Variants in SNX29 observed in about 807,000 individuals in gnomAD.
SNX29 encodes sorting nexin-29.
A neutral mutation model predicts 102.1 loss-of-function variants in SNX29; 78 were observed. That is an observed-to-expected ratio of 0.76 (90% CI 0.64 to 0.92). The LOEUF is 0.92. SNX29 is among the 40% of genes least tolerant of loss of function. SNX29 has a pLI of 0.00. For synonymous variants in SNX29, 580 were observed against 414.5 expected (o/e 1.40, Z -4.85); for missense variants, 1,280 against 1,061.7 (o/e 1.21, Z -2.86).
intron 18 of SNX29, among the ~76,000 whole-genome samples, chr16:12,410,714 G>T (rs2084364259): frequency 6.6e-6 from 1 of 152,202 alleles, no homozygotes; most frequent in African/African-American, 2.4e-5. Flanking sequence ...GATTACAGGT[G>T]CAAGCCACTG....
chr16:12,540,244 C>A (rs1472065489), intron 20 of SNX29, among the ~76,000 whole-genome samples: 1 of 152,126 alleles, frequency 6.6e-6, no homozygotes, highest in Non-Finnish European at 1.5e-5. Flanking sequence ...ACCCGCTCCC[C>A]CCACCCCCAG....
At chr16:12,559,729 A>G (rs555549558) in intron 20 of SNX29, among the ~76,000 whole-genome samples, 51 of 152,288 alleles carry the variant, frequency 3.3e-4, no homozygotes, top group African/African-American at 1.2e-3. Context: ...ACCAAGAAAT[A>G]GATGAAATAG....
intron 16 of SNX29, among the ~76,000 whole-genome samples, chr16:12,391,305 A>G (rs1188550504): frequency 1.3e-5 from 2 of 152,184 alleles, no homozygotes; most frequent in East Asian, 3.8e-4. Flanking sequence ...AATCCAGACA[A>G]ACATCATAGG....
chr16:12,479,237 C>T (rs1597536508), intron 19 of SNX29, among the ~76,000 whole-genome samples: 1 of 152,334 alleles, frequency 6.6e-6, no homozygotes, highest in Non-Finnish European at 1.5e-5. Flanking sequence ...TATCTTTTGA[C>T]AAAGCCATGT....
intron 20 of SNX29, among the ~76,000 whole-genome samples, chr16:12,560,095 A>G (rs980818610): frequency 1.3e-5 from 2 of 152,014 alleles, no homozygotes; most frequent in African/African-American, 2.4e-5. Context: ...GGTTATCCAC[A>G]AAGGATGAGT....
chr16:12,051,771 G>T, intron 7 of SNX29, 76 bp from the exon 8 acceptor site: 1 of 1,559,762 alleles, frequency 6.4e-7, no homozygotes, highest in Non-Finnish European at 8.6e-7. Flanking sequence ...CCATAACCTG[G>T]AGGTGAGTTG....
In SNX29 at chr16:12,570,654, C is replaced by T. The variant is rs913622138; in HGVS notation, c.*2025C>T. The T allele has an allele frequency of 1.3e-5, 3 of 231,910 alleles. No individual in the cohort carries two copies. The highest frequency in any genetic ancestry group is 4.4e-5 in the African/African-American group (2 of 45,244). 14.4% of individuals were successfully genotyped at this position (231,910 alleles called of 1,614,324 possible). ...GGAACCTCCCCCATCTGTGACATTC[C>T]CTTGGGCCCAGGCTTATGACCTGCA... On this transcript the variant is annotated 3_prime_UTR_variant, in exon 21 of 21. Coordinates refer to ENST00000566228, the MANE Select transcript of SNX29 (RefSeq NM_032167.5).
At chr16:12,219,868 C>G (rs2077428433) in intron 14 of SNX29, among the ~76,000 whole-genome samples, 1 of 152,176 alleles carries the variant, frequency 6.6e-6, no homozygotes, top group Admixed American at 6.5e-5. Context: ...TTGGGTCTGG[C>G]TCAATCACTC....
chr16:12,422,641 C>A (rs1225245641), intron 18 of SNX29, among the ~76,000 whole-genome samples: 1 of 152,206 alleles, frequency 6.6e-6, no homozygotes, highest in Admixed American at 6.5e-5. Flanking sequence ...GATTCCTCGT[C>A]CCATCTCCAC....
chr16:12,098,221 A>G lies in SNX29; in HGVS notation c.1402+19306A>G, dbSNP rs891395206. Among the ~76,000 whole-genome samples the G allele has an allele frequency of 6.6e-6, 1 of 151,858 alleles. No homozygotes were observed. The highest frequency in any genetic ancestry group is 2.4e-5 in the African/African-American group (1 of 41,292). ...CTCCTCCTCTTCTCCCTCCTGCCCT[A>G]GACCTTAAATATTAATGTTAAAAAT... On this transcript the variant is annotated intron_variant, in intron 11 of 20. Coordinates refer to ENST00000566228, the MANE Select transcript of SNX29 (RefSeq NM_032167.5). The surrounding 1 kb of genome is among the most constrained non-coding windows in gnomAD (Gnocchi z 6.0).
intron 15 of SNX29, among the ~76,000 whole-genome samples, chr16:12,328,170 TC>T (rs2081179683): frequency 6.6e-6 from 1 of 152,194 alleles, no homozygotes; most frequent in African/African-American, 2.4e-5. Flanking sequence ...GCACAGTGCC[TC>T]CCGCAGAGTA....
At chr16:12,193,083 C>T (rs2076684221) in intron 13 of SNX29, among the ~76,000 whole-genome samples, 1 of 152,218 alleles carries the variant, frequency 6.6e-6, no homozygotes, top group South Asian at 2.1e-4. Flanking sequence ...GATCCTCCTG[C>T]CTCAGCCTTC....
intron 14 of SNX29, among the ~76,000 whole-genome samples, chr16:12,255,757 C>G (rs550174251): frequency 6.6e-6 from 1 of 152,208 alleles, no homozygotes; most frequent in South Asian, 2.1e-4. Context: ...ATATACGTCA[C>G]GTTTTGTTTA....
chr16:12,326,523 G>A (rs930930907), intron 15 of SNX29, among the ~76,000 whole-genome samples: 1 of 152,080 alleles, frequency 6.6e-6, no homozygotes, highest in Admixed American at 6.5e-5. Context: ...AGCTCTGCCG[G>A]TGTGTCTCAC....
At chr16:12,502,687 CT>C (rs779858255) in intron 19 of SNX29, among the ~76,000 whole-genome samples, 3 of 152,214 alleles carry the variant, frequency 2.0e-5, no homozygotes, top group Non-Finnish European at 4.4e-5. Context: ...AAGATTTACA[CT>C]TTTGTTCTCA....
At chr16:12,504,519 C>T (rs1462901448) in intron 19 of SNX29, among the ~76,000 whole-genome samples, 2 of 152,150 alleles carry the variant, frequency 1.3e-5, no homozygotes, top group Non-Finnish European at 2.9e-5. Context: ...TTGTGTGTCA[C>T]AGAAGGATCA....
intron 18 of SNX29, among the ~76,000 whole-genome samples, chr16:12,473,455 G>T (rs763146341): frequency 2.0e-5 from 3 of 152,148 alleles, no homozygotes; most frequent in Non-Finnish European, 2.9e-5. Context: ...AGGGCTTCTG[G>T]TCCCAGCTAC....
At position 12,024,374 on chromosome 16, in the gene SNX29, G is replaced by A. The variant is rs150959051; in HGVS notation, c.123-2946G>A. ...TTGGCCAGGCTGGTCTTGAACTCCT[G>A]ACCCCAGGTGATCCACCCGCCTTGG... is the stretch of plus-strand genomic sequence containing the variant. On this transcript the variant is annotated intron_variant, in intron 3 of 20. Coordinates refer to ENST00000566228, the MANE Select transcript of SNX29 (RefSeq NM_032167.5). Among the ~76,000 whole-genome samples, 714 of 152,154 alleles carry A rather than the reference G, an allele frequency of 4.7e-3. 2 individuals carry two copies. Among genetic ancestry groups the A allele is most frequent in the Non-Finnish European group, 7.8e-3 (530 of 68,008 alleles).
At chr16:12,093,131 C>A (rs1468661605) in intron 11 of SNX29, among the ~76,000 whole-genome samples, 1 of 152,152 alleles carries the variant, frequency 6.6e-6, no homozygotes, top group Non-Finnish European at 1.5e-5. Context: ...TTCTGAGTGG[C>A]CAGCAGCCCT....
Sources: gnomAD v4.1 joint callset for allele counts (sites outside exome capture counted in the v4.1 genomes callset) on GRCh38, gnomAD v4.1.1 for gene constraint, Gnocchi (gnomAD v3.1) non-coding constraint, MANE v1.5 for transcripts, NCBI Gene and HGNC (gene_info 2026-07-23, HGNC 2026-07-21) for gene names.